Variants in RARB observed in about 807,000 individuals in gnomAD.
RARB encodes the protein HBV-activated protein.
Under a neutral mutation model 51.9 loss-of-function variants are expected in RARB, and 17 were observed. That is an observed-to-expected ratio of 0.33 (90% CI 0.22 to 0.49). The LOEUF is 0.49. Among genes scored for constraint, RARB ranks in the 20% least tolerant of loss-of-function variants. RARB has a pLI of 0.99. For synonymous variants in RARB, 215 were observed against 195.4 expected (o/e 1.10, Z -0.84); for missense variants, 369 against 550.8 (o/e 0.67, Z 3.30).
At chr3:25,229,002 T>G in intron 5 of RARB, among the ~76,000 whole-genome samples, 1 of 152,186 alleles carries the variant, frequency 6.6e-6, no homozygotes, top group East Asian at 1.9e-4. Flanking sequence ...AGGATGTTTT[T>G]GTCTCTGCTG....
chr3:25,542,652 G>A (rs142034314), intron 3 of RARB, among the ~76,000 whole-genome samples: 1 of 152,338 alleles, frequency 6.6e-6, no homozygotes, highest in Non-Finnish European at 1.5e-5. Context: ...GCAGCTGTGT[G>A]TGCAGATATT....
intron 3 of RARB, among the ~76,000 whole-genome samples, chr3:25,128,474 G>GAAATATATCTAGTATATAATATATACTAA (rs1699895487): frequency 6.8e-6 from 1 of 147,104 alleles, no homozygotes; most frequent in Non-Finnish European, 1.5e-5. Context: ...CTATATACTA[G>GAAATATATCTAGTATATAATATATACTAA]AAATATATCT....
chr3:25,246,882 G>A (rs1206472384), intron 5 of RARB, among the ~76,000 whole-genome samples: 2 of 152,204 alleles, frequency 1.3e-5, no homozygotes, highest in African/African-American at 2.4e-5. Flanking sequence ...TTTACAGCCA[G>A]CAAGCAGAAA....
At chr3:25,338,866 C>T (rs989688302) in intron 5 of RARB, among the ~76,000 whole-genome samples, 1 of 152,166 alleles carries the variant, frequency 6.6e-6, no homozygotes, top group African/African-American at 2.4e-5. Flanking sequence ...CCACACCAGA[C>T]CTTCCCAAAA....
chr3:25,326,238 C>A (rs926860729), intron 5 of RARB, among the ~76,000 whole-genome samples: 2 of 152,122 alleles, frequency 1.3e-5, no homozygotes, highest in African/African-American at 4.8e-5. Context: ...ACTGGACCTG[C>A]TAAAGTCAAA....
intron 2 of RARB, among the ~76,000 whole-genome samples, chr3:24,905,910 T>C (rs1575064701): frequency 6.6e-6 from 1 of 152,244 alleles, no homozygotes; most frequent in South Asian, 2.1e-4. Flanking sequence ...ATCGAAGTAA[T>C]TAAGACTTGA....
At chr3:25,054,613 G>T (rs1698400975) in intron 2 of RARB, among the ~76,000 whole-genome samples, 1 of 152,152 alleles carries the variant, frequency 6.6e-6, no homozygotes, top group African/African-American at 2.4e-5. Context: ...CCTAGCACTT[G>T]CCCCTGAGGG....
intron 2 of RARB, among the ~76,000 whole-genome samples, chr3:25,008,375 T>C (rs1458304699): frequency 2.0e-5 from 3 of 152,124 alleles, no homozygotes; most frequent in Middle Eastern, 3.2e-3. Flanking sequence ...CATAAATTTA[T>C]TTTGCCTGCT....
intron 2 of RARB, among the ~76,000 whole-genome samples, chr3:24,956,728 A>ACAT (rs1210889772): frequency 6.6e-6 from 1 of 152,226 alleles, no homozygotes; most frequent in African/African-American, 2.4e-5. Flanking sequence ...GATCTTCTTA[A>ACAT]CATTGTAGTG....
At chr3:24,940,467 G>A (rs536391151) in intron 2 of RARB, among the ~76,000 whole-genome samples, 1 of 152,162 alleles carries the variant, frequency 6.6e-6, no homozygotes, top group East Asian at 1.9e-4. Context: ...GGGATAGGAA[G>A]GATTTCATAC....
intron 5 of RARB, among the ~76,000 whole-genome samples, chr3:25,410,860 C>G (rs1707543586): frequency 6.6e-6 from 1 of 152,200 alleles, no homozygotes; most frequent in African/African-American, 2.4e-5. Flanking sequence ...CTGCCCCAAC[C>G]CCTGCTCTGC....
chr3:25,395,306 C>A (rs7634400), intron 5 of RARB, among the ~76,000 whole-genome samples: 2 of 152,032 alleles, frequency 1.3e-5, no homozygotes, highest in African/African-American at 4.8e-5. Context: ...AGTTACCTGA[C>A]GCTTTTGCCT....
chr3:24,870,886 A>G (rs1702934565), intron 2 of RARB, among the ~76,000 whole-genome samples: 1 of 152,154 alleles, frequency 6.6e-6, no homozygotes, highest in Non-Finnish European at 1.5e-5. Flanking sequence ...TGGGTAAAGA[A>G]CATTCTAATT....
chr3:25,024,399 T>C (rs1697699889), intron 2 of RARB, among the ~76,000 whole-genome samples: 1 of 152,202 alleles, frequency 6.6e-6, no homozygotes, highest in Non-Finnish European at 1.5e-5. Flanking sequence ...TACAATTGTG[T>C]TGTGCTTTCT....
At chr3:24,985,370 G>T (rs1696766530) in intron 2 of RARB, among the ~76,000 whole-genome samples, 1 of 138,496 alleles carries the variant, frequency 7.2e-6, no homozygotes, top group Non-Finnish European at 1.5e-5. Flanking sequence ...TTTTTGACAA[G>T]AACATTTCCC....
chr3:25,424,184 T>A (rs1413148844), upstream of RARB, among the ~76,000 whole-genome samples: 1 of 152,120 alleles, frequency 6.6e-6, no homozygotes, highest in African/African-American at 2.4e-5. Context: ...GAAGATGTGT[T>A]TCTAGGGTTT....
At chr3:25,477,046 C>A (rs932570854) in intron 2 of RARB, among the ~76,000 whole-genome samples, 4 of 152,066 alleles carry the variant, frequency 2.6e-5, no homozygotes, top group African/African-American at 9.7e-5. Context: ...AGAATTAGAG[C>A]ACATTTGTAC....
intron 5 of RARB, among the ~76,000 whole-genome samples, chr3:25,362,440 C>T (rs914507488): frequency 6.6e-6 from 1 of 152,162 alleles, no homozygotes; most frequent in East Asian, 1.9e-4. Context: ...TGAGCAAGAC[C>T]ACTTGGCTCC....
At chr3:25,337,026 C>T (rs1348963658) in intron 5 of RARB, among the ~76,000 whole-genome samples, 2 of 152,034 alleles carry the variant, frequency 1.3e-5, no homozygotes, top group African/African-American at 4.8e-5. Context: ...AAGTCGCTGC[C>T]CTCACAGAAA....
Sources: gnomAD v4.1 joint callset for allele counts (sites outside exome capture counted in the v4.1 genomes callset) on GRCh38, gnomAD v4.1.1 for gene constraint, MANE v1.5 for transcripts, NCBI Gene and HGNC (gene_info 2026-07-23, HGNC 2026-07-21) for gene names.